The following MGAM variants were observed in gnomAD, a reference collection of about 807,000 sequenced individuals.
MGAM encodes the protein alpha-1,4-glucosidase.
In MGAM, 253 loss-of-function variants were observed where a neutral mutation model predicts 358.8. The observed-to-expected ratio is 0.71, with a 90% confidence interval of 0.64 to 0.78. MGAM has a LOEUF of 0.78. Ranked by LOEUF, MGAM falls within the 30% of genes least tolerant of loss-of-function variation. The pLI is 0.00. For synonymous variants in MGAM, 1,105 were observed against 1,227.1 expected (o/e 0.90, Z 2.08); for missense variants, 3,080 against 3,432.6 (o/e 0.90, Z 2.57).
At position 142,086,707 on chromosome 7, in the gene MGAM, G is replaced by A; in HGVS notation, c.6800G>A (p.Ser2267Asn). 3.6e-6 allele frequency: 4 copies of A among 1,113,920 alleles called. 1 individual carries two copies. The highest frequency in any genetic ancestry group is 5.0e-6 in the Non-Finnish European group (4 of 806,690). The allele number at this position is 1,113,920 out of a possible 1,614,324, so 69.0% of individuals were successfully genotyped here. Residue 2267 changes from serine (S) to asparagine (N), a missense_variant, in exon 57 of 71, where the codon AGT (serine) becomes AAT (asparagine). Physicochemically the swap from Ser to Asn is conservative, Grantham distance 46. Around this residue, in one of 5 missense-constraint regions of MGAM, gnomAD observed 932 missense variants for 1,198.2 expected, o/e 0.78. Transcript: ENST00000475668. Reference protein sequence around the residue: ...VVVNGSLDWDSQVELYRAYVA... With the variant: ...VVVNGSLDWDNQVELYRAYVA... ...GTGAATGGGTCTCTAGACTGGGACA[G>A]TCAAGTGGAGGTAAAGGGTCTTTGT...
intron 41 of MGAM, among the ~76,000 whole-genome samples, 200 bp from the exon 42 acceptor site, chr7:142,067,141 C>A (rs1452375486): frequency 6.9e-6 from 1 of 145,940 alleles, no homozygotes; most frequent in African/African-American, 2.4e-5. Context: ...ATCTACATCC[C>A]AGCATTTCTG....
chr7:142,029,994 CCTT>C (rs1375929700), intron 10 of MGAM, among the ~76,000 whole-genome samples: 2 of 152,146 alleles, frequency 1.3e-5, no homozygotes, highest in Non-Finnish European at 2.9e-5. Context: ...CAGTCTCTTC[CCTT>C]CTTTATCTTG....
chr7:141,988,683 G>C (rs1554446718), intron 2 of MGAM, among the ~76,000 whole-genome samples: 1 of 151,744 alleles, frequency 6.6e-6, no homozygotes, highest in Non-Finnish European at 1.5e-5. Context: ...AGTTTTATGT[G>C]AATACTAGGT....
chr7:142,063,424 C>T (rs1307737562), intron 35 of MGAM, 75 bp from the exon 36 acceptor site: 9 of 1,532,062 alleles, frequency 5.9e-6, no homozygotes, highest in Non-Finnish European at 8.0e-6. Flanking sequence ...AATTTATTCA[C>T]TACTTCCTTG....
At position 142,036,676 on chromosome 7, in the gene MGAM, G is replaced by T. The variant is rs560585329; in HGVS notation, c.2077-147G>T. ...ATCGAAAACTCAAGGAGAGACACTT[G>T]GTACTACTCAGAAGCGAGGTTTGCA... is the stretch of plus-strand genomic sequence containing the variant. On this transcript the variant is annotated intron_variant, in intron 17 of 70. Transcript: ENST00000475668. The T allele has an allele frequency of 2.1e-4, 162 of 759,942 alleles. 5 individuals are homozygous for T. The South Asian group carries it at 2.8e-3, about 13-fold the overall frequency. The allele number at this position is 759,942 out of a possible 1,614,324, so 47.1% of individuals were successfully genotyped here. A position where few individuals can be genotyped will look rare whatever the true frequency, so the allele number is the denominator to read the frequency against.
In MGAM at chr7:142,039,340, G is replaced by A. The variant is rs549368025; in HGVS notation, c.2316+725G>A. Reference sequence around the variant, plus strand: ...TGGTCTCAAACTGCTGACCTCAGATGATCCACCTGCCTCAGCCTCCAAAGT... The same window carrying A: ...TGGTCTCAAACTGCTGACCTCAGATAATCCACCTGCCTCAGCCTCCAAAGT... On this transcript the variant is annotated intron_variant, in intron 19 of 70. Coordinates refer to ENST00000475668, the MANE Select transcript of MGAM (RefSeq NM_001365693.1). 9.3e-4 allele frequency among the ~76,000 whole-genome samples: 142 copies of A among 152,056 alleles called. 3 individuals carry two copies. The South Asian group carries it at 0.028, about 30-fold the overall frequency.
rs114240752 is a variant in MGAM, at chr7:142,060,897, T to G, written c.4122+524T>G. Among the ~76,000 whole-genome samples the G allele has an allele frequency of 2.2e-3, 340 of 152,236 alleles. 2 individuals carry two copies. Among genetic ancestry groups the G allele is most frequent in the African/African-American group, 7.7e-3 (318 of 41,526 alleles). ...CCCCGAGCCCCACCATTCCTTGGGT[T>G]TCTCAACTTTGCTTTTACCTGTCAG... On this transcript the variant is annotated intron_variant, in intron 34 of 70. Coordinates refer to ENST00000475668, the MANE Select transcript of MGAM (RefSeq NM_001365693.1).
At position 142,099,615 on chromosome 7, in the gene MGAM, T is replaced by G; in HGVS notation, c.7752T>G (p.Gly2584=). The part of the protein sequence containing the change: ...PRARWYDYYT[G]VDINARGEWK... The stretch of plus-strand genomic sequence containing the variant: ...CTCTTACCTTCTTCTGCCTCCAGGG[T>G]GTGGATATTAATGCAAGAGGAGAGT... The change falls in exon 67 of 71, where the codon GGT becomes GGG. Residue 2584 remains glycine (G), a splice_region_variant and synonymous_variant. Transcript: ENST00000475668. 1.2e-6 allele frequency: 2 copies of G among 1,613,850 alleles called. No individual in the cohort carries two copies. The highest frequency in any genetic ancestry group is 1.7e-6 in the Non-Finnish European group (2 of 1,179,786).
intron 34 of MGAM, among the ~76,000 whole-genome samples, chr7:142,062,075 G>T (rs112812948): frequency 6.6e-6 from 1 of 152,278 alleles, no homozygotes; most frequent in East Asian, 1.9e-4. Flanking sequence ...TTCTGAAATC[G>T]TAGAAAACAC....
chr7:142,067,498 C>G lies in MGAM; in HGVS notation c.5004+73C>G. 5.8e-6 allele frequency: 7 copies of G among 1,200,040 alleles called. 1 individual carries two copies. Among genetic ancestry groups the G allele is most frequent in the Non-Finnish European group, 8.4e-6 (7 of 831,982 alleles). The allele number at this position is 1,200,040 out of a possible 1,614,324, so 74.3% of individuals were successfully genotyped here. A position where few individuals can be genotyped will look rare whatever the true frequency, so the allele number is the denominator to read the frequency against. On this transcript the variant is annotated intron_variant, in intron 42 of 70. Transcript: ENST00000475668. ...TGGGGAAAAGGACGAGGAGAAGAGG[C>G]CTGAGCTGGTGGGGGTCCTGAGACA...
At chr7:142,045,160 A>G (rs1306896878) in intron 21 of MGAM, among the ~76,000 whole-genome samples, 1 of 107,020 alleles carries the variant, frequency 9.3e-6, no homozygotes, top group Non-Finnish European at 1.7e-5. Context: ...TATGTGATAT[A>G]TAATATATAT....
rs1255930256 is a variant in MGAM at position 142,005,464 on chromosome 7, A to T, written c.-2-65A>T. On this transcript the variant is annotated intron_variant, in intron 1 of 70. Transcript: ENST00000475668. ...TTGCATACATTTGAGCTTTTCCATT[A>T]AAAATCTTACTAGTTATATAGTAAA... 5.0e-6 allele frequency: 6 copies of T among 1,209,656 alleles called. No homozygotes were observed. The East Asian group carries it at 1.3e-4, about 27-fold the overall frequency. The allele number at this position is 1,209,656 out of a possible 1,614,324, so 74.9% of individuals were successfully genotyped here.
At chr7:142,067,945 T>TATATATATAAATATATATATATATATAA (rs1812921845) in intron 42 of MGAM, among the ~76,000 whole-genome samples, 1 of 37,270 alleles carries the variant, frequency 2.7e-5, no homozygotes, top group African/African-American at 7.4e-5. Flanking sequence ...AATATATATA[T>TATATATATAAATATATATATATATATAA]ATATATATAT....
chr7:142,021,913 G>A (rs1352920497), intron 6 of MGAM, among the ~76,000 whole-genome samples, 176 bp downstream of exon 6: 1 of 151,996 alleles, frequency 6.6e-6, no homozygotes, highest in East Asian at 1.9e-4. Flanking sequence ...TCTTTCCTCT[G>A]TTTGCACAAT....
At position 142,034,896 on chromosome 7, in the gene MGAM, C is replaced by G. The variant is rs1807847589; in HGVS notation, c.1959+55C>G. On this transcript the variant is annotated intron_variant, in intron 16 of 70. Coordinates refer to ENST00000475668, the MANE Select transcript of MGAM (RefSeq NM_001365693.1). ...ACCTGAATTCCCAGGCAACCTCATT[C>G]TAGAAAGTTTTCAAACCACAAAGCT... 3 of 1,549,816 alleles carry G rather than the reference C, an allele frequency of 1.9e-6. No homozygotes were observed. In the African/African-American group the frequency reaches 4.1e-5, roughly 21 times the overall value.
At chr7:142,035,984 A>T (rs1485090018) in intron 16 of MGAM, among the ~76,000 whole-genome samples, 185 bp from the exon 17 acceptor site, 1 of 152,160 alleles carries the variant, frequency 6.6e-6, no homozygotes, top group Non-Finnish European at 1.5e-5. Flanking sequence ...CAGAAGGGTT[A>T]GGTAACTTAC....
intron 18 of MGAM, among the ~76,000 whole-genome samples, chr7:142,037,538 A>T (rs1171633698): frequency 1.3e-5 from 2 of 152,156 alleles, no homozygotes; most frequent in African/African-American, 4.8e-5. Flanking sequence ...CAACTCCCTT[A>T]TGTGGGTGAC....
chr7:142,051,147 A>G (rs1810912859), intron 24 of MGAM, among the ~76,000 whole-genome samples: 1 of 152,174 alleles, frequency 6.6e-6, no homozygotes, highest in South Asian at 2.1e-4. Flanking sequence ...CAGGAACAGC[A>G]AAGTTGGAAA....
chr7:142,070,894 G>A, intron 43 of MGAM, 100 bp from the exon 44 acceptor site: 1 of 1,424,810 alleles, frequency 7.0e-7, no homozygotes, highest in Non-Finnish European at 9.8e-7. Context: ...TGATGAACAG[G>A]CATAAGTTCA....
Sources: allele counts gnomAD v4.1 joint callset (sites outside exome capture counted in the v4.1 genomes callset), GRCh38; gene constraint gnomAD v4.1.1; regional missense constraint gnomAD v4.1.1; transcripts MANE v1.5; gene names NCBI Gene and HGNC (gene_info 2026-07-23, HGNC 2026-07-21).